Variants in LDB2 observed in about 807,000 individuals in gnomAD.
The protein encoded by LDB2 is LIM domain binding 2, also known as LIM domain-binding protein 2.
Under a neutral mutation model 44.3 loss-of-function variants are expected in LDB2, and 12 were observed. The ratio of observed to expected loss-of-function variants is 0.27; its 90% CI spans 0.17 to 0.44. LDB2 has a LOEUF of 0.44. Ranked by LOEUF, LDB2 falls within the 20% of genes least tolerant of loss-of-function variation. LDB2 has a pLI of 1.00. For synonymous variants in LDB2, 164 were observed against 174.8 expected (o/e 0.94, Z 0.49); for missense variants, 344 against 473.5 (o/e 0.73, Z 2.54).
At chr4:16,843,695 C>T (rs1786344606) in intron 1 of LDB2, among the ~76,000 whole-genome samples, 1 of 152,146 alleles carries the variant, frequency 6.6e-6, no homozygotes, top group Non-Finnish European at 1.5e-5. Context: ...GACCTTGGCT[C>T]ACTGCAACCT....
chr4:16,743,191 G>A (rs1763688088), intron 2 of LDB2, among the ~76,000 whole-genome samples: 1 of 152,162 alleles, frequency 6.6e-6, no homozygotes. Context: ...TCAGGAGGCT[G>A]AGGCATGAGA....
intron 2 of LDB2, among the ~76,000 whole-genome samples, chr4:16,672,763 A>G (rs1210614012): frequency 6.6e-6 from 1 of 152,170 alleles, no homozygotes; most frequent in African/African-American, 2.4e-5. Flanking sequence ...CTTTCCCTGC[A>G]GTAACACTGA....
intron 2 of LDB2, among the ~76,000 whole-genome samples, chr4:16,695,599 T>C (rs1201468259): frequency 1.3e-5 from 2 of 152,182 alleles, no homozygotes; most frequent in African/African-American, 4.8e-5. Flanking sequence ...GAACTAGGGA[T>C]TGTCAATTTT....
chr4:16,536,440 G>T (rs62296895), intron 5 of LDB2, among the ~76,000 whole-genome samples: 17,082 of 152,204 alleles, frequency 0.11, 1,100 homozygotes, highest in East Asian at 0.24. Context: ...CTGCTGGTCA[G>T]ATGTCCAGAA....
intron 1 of LDB2, among the ~76,000 whole-genome samples, chr4:16,859,146 G>A (rs539223665): frequency 2.0e-5 from 3 of 152,300 alleles, no homozygotes; most frequent in South Asian, 4.1e-4. Context: ...GCTAAGAAAC[G>A]TGGTATAATC....
intron 5 of LDB2, among the ~76,000 whole-genome samples, chr4:16,557,899 C>T (rs968586623): frequency 1.3e-5 from 2 of 152,216 alleles, no homozygotes; most frequent in African/African-American, 2.4e-5. Context: ...CAGCAGCATT[C>T]GTGGCGCACG....
chr4:16,794,908 C>G (rs1776424311), intron 1 of LDB2, among the ~76,000 whole-genome samples: 1 of 152,220 alleles, frequency 6.6e-6, no homozygotes, highest in Admixed American at 6.5e-5. Context: ...TGTTCATTTA[C>G]TCAACCTGAC....
chr4:16,801,149 C>A (rs1777750039), intron 1 of LDB2, among the ~76,000 whole-genome samples: 1 of 152,164 alleles, frequency 6.6e-6, no homozygotes, highest in South Asian at 2.1e-4. Flanking sequence ...AACTTTCCCA[C>A]CCCCTCAGAA....
chr4:16,708,844 G>GA, intron 2 of LDB2, among the ~76,000 whole-genome samples: 1 of 152,148 alleles, frequency 6.6e-6, no homozygotes, highest in East Asian at 1.9e-4. Context: ...TCCTCAGTGG[G>GA]AGTTTGGAGT....
intron 2 of LDB2, among the ~76,000 whole-genome samples, chr4:16,742,524 T>G (rs1763518391): frequency 6.6e-6 from 1 of 152,166 alleles, no homozygotes; most frequent in African/African-American, 2.4e-5. Context: ...CAGAAGCCCC[T>G]AAGTTTGGAA....
chr4:16,780,478 C>T (rs558127691), intron 1 of LDB2, among the ~76,000 whole-genome samples: 6 of 152,276 alleles, frequency 3.9e-5, no homozygotes, highest in African/African-American at 1.2e-4. Context: ...CTGCCTCAGC[C>T]TCCCAAAGTG....
intron 1 of LDB2, among the ~76,000 whole-genome samples, chr4:16,816,399 T>G (rs1343394425): frequency 7.0e-6 from 1 of 142,762 alleles, no homozygotes. Context: ...CTTATTTTCT[T>G]TTTCTTTCTT....
intron 2 of LDB2, among the ~76,000 whole-genome samples, chr4:16,623,764 A>G (rs1043666552): frequency 7.2e-5 from 7 of 97,456 alleles, no homozygotes; most frequent in African/African-American, 2.3e-4. Flanking sequence ...TGAAATATAC[A>G]TACACACACA....
chr4:16,862,215 T>C (rs538069531), intron 1 of LDB2, among the ~76,000 whole-genome samples: 1 of 152,346 alleles, frequency 6.6e-6, no homozygotes, highest in Non-Finnish European at 1.5e-5. Context: ...TCTCTTTCTT[T>C]TGAATCCTGA....
At chr4:16,753,745 T>C (rs1027216148) in intron 2 of LDB2, among the ~76,000 whole-genome samples, 2 of 152,126 alleles carry the variant, frequency 1.3e-5, no homozygotes, top group Non-Finnish European at 2.9e-5. Context: ...AAGGTCAAGA[T>C]GAAATAACAA....
chr4:16,762,784 C>A (rs1392657482), intron 1 of LDB2, among the ~76,000 whole-genome samples: 1 of 152,004 alleles, frequency 6.6e-6, no homozygotes, highest in East Asian at 1.9e-4. Context: ...GGAAAATGAA[C>A]CAGTGAAAGG....
At chr4:16,696,066 T>C (rs1466064388) in intron 2 of LDB2, among the ~76,000 whole-genome samples, 5 of 152,042 alleles carry the variant, frequency 3.3e-5, no homozygotes, top group African/African-American at 4.8e-5. Flanking sequence ...AGAGACAGAG[T>C]AGGCAATGAA....
At position 16,634,429 on chromosome 4, in the gene LDB2, A is replaced by G. The variant is rs562778407; in HGVS notation, c.236-38554T>C. ...GGCTAATATCCAGAGTCTACAAAGA[A>G]CTTAAATAAATTTACAAGAAAAAAG... On this transcript the variant is annotated intron_variant, in intron 2 of 7. Coordinates refer to ENST00000304523, the MANE Select transcript of LDB2 (RefSeq NM_001290.5). 6.6e-5 allele frequency among the ~76,000 whole-genome samples: 10 copies of G among 152,216 alleles called. No individual in the cohort carries two copies. In the South Asian group the frequency reaches 1.0e-3, roughly 16 times the overall value.
chr4:16,834,152 A>C (rs925745779), intron 1 of LDB2, among the ~76,000 whole-genome samples: 4 of 152,210 alleles, frequency 2.6e-5, no homozygotes, highest in Non-Finnish European at 5.9e-5. Context: ...TGCCTCCTCT[A>C]CAAGGGAGGG....
Sources: gnomAD v4.1 joint callset for allele counts (sites outside exome capture counted in the v4.1 genomes callset) on GRCh38, gnomAD v4.1.1 for gene constraint, MANE v1.5 for transcripts, NCBI Gene and HGNC (gene_info 2026-07-23, HGNC 2026-07-21) for gene names.